The following FNDC3B variants were observed in gnomAD, a reference collection of about 807,000 sequenced individuals.
The protein encoded by FNDC3B is fibronectin type III domain containing 3B.
Under a neutral mutation model 151.5 loss-of-function variants are expected in FNDC3B, and 12 were observed. The ratio of observed to expected loss-of-function variants is 0.08; its 90% CI spans 0.05 to 0.13. FNDC3B has a LOEUF of 0.13. Ranked by LOEUF, FNDC3B falls within the 10% of genes least tolerant of loss-of-function variation. The pLI is 1.00. For missense variants in FNDC3B, 1,214 were observed against 1,505.3 expected, an observed-to-expected ratio of 0.81 and a Z score of 3.20; for synonymous variants, 528 against 549.0, an observed-to-expected ratio of 0.96 and a Z score of 0.54.
At chr3:172,075,482 G>A (rs536433936) in intron 1 of FNDC3B, among the ~76,000 whole-genome samples, 2 of 152,164 alleles carry the variant, frequency 1.3e-5, no homozygotes, top group Non-Finnish European at 2.9e-5. Flanking sequence ...TCCCCTACAC[G>A]TCAACAACAA....
At chr3:172,211,411 G>T (rs1256227013) in intron 3 of FNDC3B, among the ~76,000 whole-genome samples, 1 of 152,212 alleles carries the variant, frequency 6.6e-6, no homozygotes, top group East Asian at 1.9e-4. Flanking sequence ...TTGACTGTCA[G>T]TAGCCCAGGG....
chr3:172,192,799 T>C (rs1372942508), intron 3 of FNDC3B, among the ~76,000 whole-genome samples: 1 of 152,098 alleles, frequency 6.6e-6, no homozygotes, highest in Non-Finnish European at 1.5e-5. Flanking sequence ...TAGCCTCCAG[T>C]GGACTGACTT....
At chr3:172,370,155 A>C (rs745675791) in intron 23 of FNDC3B, among the ~76,000 whole-genome samples, 1 of 152,154 alleles carries the variant, frequency 6.6e-6, no homozygotes, top group Non-Finnish European at 1.5e-5. Context: ...AGGGATTATA[A>C]GATAACAAGG....
At chr3:172,055,053 C>G (rs77494321) in intron 1 of FNDC3B, among the ~76,000 whole-genome samples, 2 of 152,188 alleles carry the variant, frequency 1.3e-5, no homozygotes, top group Non-Finnish European at 2.9e-5. Context: ...TAACCTCACA[C>G]TTTCACCACC....
Position 172,341,179 on chromosome 3 carries a change from G to A in FNDC3B, c.1919G>A (p.Gly640Asp). The A allele has an allele frequency of 6.2e-7, 1 of 1,614,180 alleles. No homozygotes were observed. Among genetic ancestry groups the A allele is most frequent in the African/African-American group, 1.3e-5 (1 of 75,040 alleles). ...TACACCTTCACCCACTTGAAACCAG[G>A]CACTTTGTACAAACTCCGAGCATGC... ...TEYTFTHLKPGTLYKLRACCI... is the reference protein window; with the variant it reads ...TEYTFTHLKPDTLYKLRACCI... Residue 640 changes from glycine (G) to aspartate (D), a missense_variant, in exon 17 of 26, where the codon GGC becomes GAC. Around this residue, in one of 7 missense-constraint regions of FNDC3B, gnomAD observed 380 missense variants for 420.9 expected, o/e 0.90. Transcript: ENST00000415807.
intron 19 of FNDC3B, among the ~76,000 whole-genome samples, chr3:172,344,866 G>A (rs1457777309): frequency 6.6e-6 from 1 of 152,098 alleles, no homozygotes; most frequent in African/African-American, 2.4e-5. Flanking sequence ...GTGGATTTAG[G>A]GGGAGATGAA....
chr3:172,068,410 C>G (rs896360913), intron 1 of FNDC3B, among the ~76,000 whole-genome samples: 1 of 144,570 alleles, frequency 6.9e-6, no homozygotes, highest in Non-Finnish European at 1.5e-5. Flanking sequence ...TATTTGGACA[C>G]TTTGTGAGGA....
At chr3:172,185,333 G>A (rs1259138685) in intron 3 of FNDC3B, among the ~76,000 whole-genome samples, 1 of 152,100 alleles carries the variant, frequency 6.6e-6, no homozygotes, top group Non-Finnish European at 1.5e-5. Context: ...CCCATTTATT[G>A]GCCTGATAGC....
chr3:172,056,394 A>G (rs1288743553), intron 1 of FNDC3B, among the ~76,000 whole-genome samples: 2 of 152,200 alleles, frequency 1.3e-5, no homozygotes, highest in African/African-American at 2.4e-5. Flanking sequence ...TAAGGACACT[A>G]TGCTTCTTGG....
chr3:172,187,695 C>T (rs982404964), intron 3 of FNDC3B, among the ~76,000 whole-genome samples: 4 of 152,118 alleles, frequency 2.6e-5, no homozygotes, highest in Non-Finnish European at 5.9e-5. Context: ...CACTTTGTTG[C>T]GCAGGCTAGA....
chr3:172,286,107 C>G (rs1730002852), intron 7 of FNDC3B, 123 bp downstream of exon 7: 1 of 685,794 alleles, frequency 1.5e-6, no homozygotes, highest in East Asian at 2.7e-5. Context: ...GATTACTCAT[C>G]AACTATGAAA....
chr3:172,216,221 T>C (rs1418155246), intron 3 of FNDC3B, among the ~76,000 whole-genome samples: 4 of 152,194 alleles, frequency 2.6e-5, no homozygotes, highest in African/African-American at 9.7e-5. Flanking sequence ...TTTCTCAGTA[T>C]TATTGAGTTG....
At chr3:172,130,483 C>T (rs2108569042) in intron 2 of FNDC3B, among the ~76,000 whole-genome samples, 1 of 151,932 alleles carries the variant, frequency 6.6e-6, no homozygotes, top group Admixed American at 6.6e-5. Context: ...ATCTTTCTCC[C>T]TGAAGAAGTG....
intron 6 of FNDC3B, among the ~76,000 whole-genome samples, chr3:172,274,305 A>G (rs192639113): frequency 6.6e-6 from 1 of 152,206 alleles, no homozygotes; most frequent in East Asian, 1.9e-4. Context: ...GTAGTCTAGC[A>G]GTCTCTTCCA....
intron 25 of FNDC3B, among the ~76,000 whole-genome samples, chr3:172,393,303 T>C (rs934287748): frequency 6.6e-6 from 1 of 152,160 alleles, no homozygotes; most frequent in Non-Finnish European, 1.5e-5. Context: ...TATATAATGA[T>C]AAGAGCATCA....
At chr3:172,299,478 A>G (rs1730792368) in intron 9 of FNDC3B, among the ~76,000 whole-genome samples, 1 of 152,236 alleles carries the variant, frequency 6.6e-6, no homozygotes, top group Non-Finnish European at 1.5e-5. Context: ...AGATACATCC[A>G]TCTATTTATT....
intron 1 of FNDC3B, among the ~76,000 whole-genome samples, chr3:172,066,524 CA>C (rs1717506341): frequency 6.6e-6 from 1 of 152,180 alleles, no homozygotes; most frequent in Admixed American, 6.5e-5. Flanking sequence ...GAGGTGGCTA[CA>C]GGCTTCAGGA....
At chr3:172,236,185 G>GTGCC (rs2108754202) in intron 4 of FNDC3B, among the ~76,000 whole-genome samples, 1 of 152,300 alleles carries the variant, frequency 6.6e-6, no homozygotes, top group South Asian at 2.1e-4. Flanking sequence ...GTGTTCTTAT[G>GTGCC]TGCCACACAT....
chr3:172,093,320 A>G (rs1010557994), intron 1 of FNDC3B, among the ~76,000 whole-genome samples: 12 of 147,466 alleles, frequency 8.1e-5, no homozygotes, highest in African/African-American at 2.5e-4. Flanking sequence ...GTGCAGTGGC[A>G]CTATCTTGGC....
Sources: gnomAD v4.1 joint callset for allele counts (sites outside exome capture counted in the v4.1 genomes callset) on GRCh38, gnomAD v4.1.1 for gene constraint, gnomAD v4.1.1 regional missense constraint, MANE v1.5 for transcripts, NCBI Gene and HGNC (gene_info 2026-07-23, HGNC 2026-07-21) for gene names.